TRIM36: variants seen among roughly 807,000 people sequenced by gnomAD.
TRIM36 encodes the protein tripartite motif containing 36.
In TRIM36, 42 loss-of-function variants were observed where a neutral mutation model predicts 72.4. The observed-to-expected ratio is 0.58, with a 90% CI of 0.45 to 0.75. TRIM36 has a LOEUF of 0.75. TRIM36 is among the 30% of genes least tolerant of loss of function. The pLI, the probability that TRIM36 is intolerant of heterozygous loss-of-function variation, is 0.00. For missense variants in TRIM36, 913 were observed against 857.1 expected, an observed-to-expected ratio of 1.07 and a Z score of -0.81; for synonymous variants, 315 against 282.8, an observed-to-expected ratio of 1.11 and a Z score of -1.14.
At chr5:115,133,427 A>C (rs1022567958) in intron 8 of TRIM36, among the ~76,000 whole-genome samples, 1 of 152,212 alleles carries the variant, frequency 6.6e-6, no homozygotes, top group Non-Finnish European at 1.5e-5. Context: ...GTTAGATAAA[A>C]AAATCCAGAC....
upstream of TRIM36, chr5:115,171,330 G>T: frequency 6.8e-7 from 1 of 1,479,696 alleles, no homozygotes; most frequent in Non-Finnish European, 9.2e-7. Flanking sequence ...AGCTTTGCCA[G>T]GTAATAATGC....
chr5:115,163,533 G>T lies in TRIM36; in HGVS notation c.247C>A (p.Arg83=). The T allele has an allele frequency of 6.2e-7, 1 of 1,613,976 alleles. No homozygotes were observed. The highest frequency in any genetic ancestry group is 8.5e-7 in the Non-Finnish European group (1 of 1,179,954). ...LPSPSMDKID[R]INRPGWKRNS... Reference sequence around the variant, plus strand: ...TAACACATACCTGGTCTGTTAATTCGGTCAATTTTATCCATACTAGGGGAG... The same window carrying T: ...TAACACATACCTGGTCTGTTAATTCTGTCAATTTTATCCATACTAGGGGAG... Residue 83 remains arginine, a synonymous_variant, in exon 2 of 10, where the codon CGA becomes AGA. Transcript: ENST00000513154.
In TRIM36 at chr5:115,147,466, T is replaced by C. The variant is rs909983020; in HGVS notation, c.263-72A>G. On this transcript the variant is annotated intron_variant, in intron 2 of 9. Coordinates refer to ENST00000513154, the MANE Select transcript of TRIM36 (RefSeq NM_001300759.2). ...ATTAGAATGAAGAAAAGAGGAGTCA[T>C]GTCTTAGAGACATATCTACAAATGT... 6.9e-5 allele frequency: 102 copies of C among 1,480,104 alleles called. 1 individual carries two copies. The highest frequency in any genetic ancestry group is 1.8e-4 in the Middle Eastern group (1 of 5,572). 91.7% of individuals were successfully genotyped at this position (1,480,104 alleles called of 1,614,324 possible).
intron 1 of TRIM36, among the ~76,000 whole-genome samples, chr5:115,176,935 A>C (rs144792271): frequency 0.01 from 1,525 of 152,360 alleles, 21 homozygotes; most frequent in African/African-American, 0.031. Context: ...ACACTTATGC[A>C]GTATTGTTTG....
intron 5 of TRIM36, among the ~76,000 whole-genome samples, chr5:115,137,895 T>A (rs964729273): frequency 6.6e-6 from 1 of 152,200 alleles, no homozygotes. Context: ...ATATTGTACT[T>A]CCTTAAGCTT....
chr5:115,143,349 T>C (rs954329648), intron 4 of TRIM36, among the ~76,000 whole-genome samples: 1 of 151,772 alleles, frequency 6.6e-6, no homozygotes, highest in African/African-American at 2.4e-5. Flanking sequence ...TGTTCTGTCC[T>C]GCCTCACAAA....
At position 115,125,777 on chromosome 5, in the gene TRIM36, T is replaced by C. The variant is rs1040883719; in HGVS notation, c.*726A>G. The C allele has an allele frequency of 2.6e-5, 4 of 152,160 alleles. No homozygotes were observed. The highest frequency in any genetic ancestry group is 7.2e-5 in the African/African-American group (3 of 41,460). The allele number at this position is 152,160 out of a possible 1,614,324, so 9.4% of individuals were successfully genotyped here. On this transcript the variant is annotated 3_prime_UTR_variant, in exon 10 of 10. Coordinates refer to ENST00000513154, the MANE Select transcript of TRIM36 (RefSeq NM_001300759.2). The stretch of plus-strand genomic sequence containing the variant: ...AGTATATAAAGTGAGAAGTTTAATG[T>C]GTTAGCTGAGAACTTTGTGTTTTCT...
At chr5:115,177,591 A>C in intron 1 of TRIM36, 1 of 1,456,090 alleles carries the variant, frequency 6.9e-7, no homozygotes, top group African/African-American at 1.4e-5. Flanking sequence ...TCACACACAA[A>C]ACAGGGGTCT....
At chr5:115,146,412 G>A (rs534223837) in intron 3 of TRIM36, among the ~76,000 whole-genome samples, 1 of 152,144 alleles carries the variant, frequency 6.6e-6, no homozygotes, top group South Asian at 2.1e-4. Context: ...CTCAACCATA[G>A]GTTTTTAAAA....
chr5:115,126,969 AAG>A, intron 9 of TRIM36, 112 bp from the exon 10 acceptor site: 5 of 1,093,642 alleles, frequency 4.6e-6, no homozygotes, highest in Non-Finnish European at 5.1e-6. Context: ...TTTACATCAA[AAG>A]CTTTCTATTA....
chr5:115,150,855 G>T (rs1270660174), intron 2 of TRIM36, among the ~76,000 whole-genome samples: 1 of 152,204 alleles, frequency 6.6e-6, no homozygotes, highest in East Asian at 1.9e-4. Context: ...AAATACAAGG[G>T]TAGAGGAAGC....
Position 115,130,784 on chromosome 5 carries a change from A to G in TRIM36, c.1604T>C (p.Leu535Pro), listed in dbSNP as rs1450611700. The G allele has an allele frequency of 1.2e-6, 2 of 1,614,042 alleles. No homozygotes were observed. The highest frequency in any genetic ancestry group is 2.7e-5 in the African/African-American group (2 of 74,934). The change falls in exon 9 of 10, where the codon CTT becomes CCT. Residue 535 changes from leucine (L) to proline (P), a missense_variant. By Grantham distance (98) the Leu-to-Pro change is moderately conservative. Transcript: ENST00000513154. Reference protein sequence around the residue: ...VESRAGFNLLLAAERIQVGYY... With the variant: ...VESRAGFNLLPAAERIQVGYY... ...ACCCACTTGGATGCGTTCTGCAGCAAGCAGAAGATTAAATCCAGCTCTACT... is the reference window on the plus strand; with the variant it reads ...ACCCACTTGGATGCGTTCTGCAGCAGGCAGAAGATTAAATCCAGCTCTACT...
At chr5:115,161,922 T>C (rs561381844) in intron 2 of TRIM36, among the ~76,000 whole-genome samples, 19 of 152,320 alleles carry the variant, frequency 1.2e-4, no homozygotes, top group Admixed American at 5.9e-4. Flanking sequence ...AGCATCTAAA[T>C]TTGACACCTG....
At chr5:115,173,516 A>G (rs1423806592), upstream of TRIM36, among the ~76,000 whole-genome samples, 3 of 148,922 alleles carry the variant, frequency 2.0e-5, no homozygotes, top group Non-Finnish European at 4.4e-5. Context: ...GGACATGTGT[A>G]TTTGAATGTG....
At chr5:115,144,463 G>T in intron 4 of TRIM36, 135 bp downstream of exon 4, 1 of 1,065,444 alleles carries the variant, frequency 9.4e-7, no homozygotes, top group Non-Finnish European at 1.3e-6. Context: ...AATATTAGTA[G>T]ATCGCTAAGT....
intron 7 of TRIM36, among the ~76,000 whole-genome samples, chr5:115,136,765 C>T (rs1752984533): frequency 6.6e-6 from 1 of 152,098 alleles, no homozygotes. Flanking sequence ...AAAATACATA[C>T]AACATAATGC....
chr5:115,150,291 G>A (rs1753820199), intron 2 of TRIM36, among the ~76,000 whole-genome samples: 1 of 152,170 alleles, frequency 6.6e-6, no homozygotes, highest in Admixed American at 6.5e-5. Flanking sequence ...ATCTGATACA[G>A]TAGCCATTAG....
chr5:115,170,123 T>C (rs1178637341), upstream of TRIM36, among the ~76,000 whole-genome samples: 1 of 152,288 alleles, frequency 6.6e-6, no homozygotes, highest in African/African-American at 2.4e-5. Context: ...CGCCGCCACC[T>C]TCCCCCTACG....
intron 2 of TRIM36, among the ~76,000 whole-genome samples, chr5:115,153,413 G>A (rs1580682392): frequency 6.6e-6 from 1 of 152,246 alleles, no homozygotes; most frequent in East Asian, 1.9e-4. Context: ...CCTAAGAAAT[G>A]AGATAGACAG....
Sources: allele counts gnomAD v4.1 joint callset (sites outside exome capture counted in the v4.1 genomes callset), GRCh38; gene constraint gnomAD v4.1.1; transcripts MANE v1.5; gene names NCBI Gene and HGNC (gene_info 2026-07-23, HGNC 2026-07-21).